Variants in FAM13C observed in about 807,000 individuals in gnomAD.
FAM13C encodes family with sequence similarity 13 member C, also known as protein FAM13C.
Under a neutral mutation model 73.2 loss-of-function variants are expected in FAM13C, and 37 were observed. The ratio of observed to expected loss-of-function variants is 0.51; its 90% CI spans 0.39 to 0.67. FAM13C has a LOEUF of 0.67. Among genes scored for constraint, FAM13C ranks in the 30% least tolerant of loss-of-function variants. FAM13C has a pLI of 0.00. For synonymous variants in FAM13C, 246 were observed against 260.9 expected (o/e 0.94, Z 0.55); for missense variants, 589 against 715.6 (o/e 0.82, Z 2.02).
rs555453601 is a variant in FAM13C, at chr10:59,247,867, C to A, written c.1635-130G>T. ...TGGTTTTTGCATCATGTCTTCTTTT[C>A]CTTCCCTTTCACCTTCATTCACTCC... On this transcript the variant is annotated intron_variant, in intron 13 of 13. Transcript: ENST00000618804. 5.2e-5 allele frequency: 41 copies of A among 787,926 alleles called. No individual in the cohort carries two copies. In the African/African-American group the frequency reaches 7.0e-4, roughly 13 times the overall value. The allele number at this position is 787,926 out of a possible 1,614,324, so 48.8% of individuals were successfully genotyped here.
intron 4 of FAM13C, among the ~76,000 whole-genome samples, chr10:59,321,621 T>C (rs1564580097): frequency 6.6e-6 from 1 of 152,034 alleles, no homozygotes; most frequent in Non-Finnish European, 1.5e-5. Context: ...CTGAGTCTCA[T>C]CCTCATAAAT....
chr10:59,250,466 A>G (rs1168625713), intron 13 of FAM13C, among the ~76,000 whole-genome samples: 1 of 152,224 alleles, frequency 6.6e-6, no homozygotes, highest in African/African-American at 2.4e-5. Context: ...AAGTTGTTAC[A>G]TCTGTATTGG....
In FAM13C at chr10:59,251,611, C is replaced by G; in HGVS notation, c.1598G>C (p.Arg533Thr). 6.2e-7 allele frequency: 1 copy of G among 1,613,822 alleles called. No individual in the cohort carries two copies. The highest frequency in any genetic ancestry group is 8.5e-7 in the Non-Finnish European group (1 of 1,179,854). The change falls in exon 13 of 14, where the codon AGA (arginine) becomes ACA (threonine). Residue 533 changes from arginine to threonine, a missense_variant. By Grantham distance (71) the Arg-to-Thr change is moderately conservative. Coordinates refer to ENST00000618804, the MANE Select transcript of FAM13C (RefSeq NM_198215.4). ...ADKKRLRKALREFEEQFFKQT... is the reference protein window; with the variant it reads ...ADKKRLRKALTEFEEQFFKQT... Reference sequence around the variant, plus strand: ...TTTAAAAAACTGTTCTTCAAATTCTCTTAAGGCTTTCCGCAGTCTCTTCTT... The same window carrying G: ...TTTAAAAAACTGTTCTTCAAATTCTGTTAAGGCTTTCCGCAGTCTCTTCTT...
At chr10:59,290,330 C>T (rs892483815) in intron 5 of FAM13C, among the ~76,000 whole-genome samples, 4 of 152,170 alleles carry the variant, frequency 2.6e-5, no homozygotes, top group Non-Finnish European at 4.4e-5. Context: ...CCTCCTCTCC[C>T]ATCCTTTTAT....
chr10:59,260,115 TC>T (rs2133441484), intron 10 of FAM13C, among the ~76,000 whole-genome samples: 1 of 152,170 alleles, frequency 6.6e-6, no homozygotes, highest in Non-Finnish European at 1.5e-5. Context: ...CTTCAACATG[TC>T]CTTTTGATTC....
chr10:59,296,249 G>A (rs1311300773), intron 5 of FAM13C, among the ~76,000 whole-genome samples: 2 of 152,092 alleles, frequency 1.3e-5, no homozygotes, highest in Non-Finnish European at 2.9e-5. Context: ...ATAAACTGTG[G>A]ATGCAATAAA....
chr10:59,265,378 A>G (rs1176716208), intron 8 of FAM13C, among the ~76,000 whole-genome samples: 2 of 124,028 alleles, frequency 1.6e-5, no homozygotes, highest in African/African-American at 3.0e-5. Flanking sequence ...GTGGCCATCA[A>G]TCCCCAGCTC....
intron 5 of FAM13C, among the ~76,000 whole-genome samples, chr10:59,302,235 TA>T (rs1195263109): frequency 1.3e-5 from 2 of 152,210 alleles, no homozygotes; most frequent in Non-Finnish European, 2.9e-5. Context: ...ATTAATTTCA[TA>T]CAGGAGAATT....
At chr10:59,304,852 A>AGGGGGG (rs1848071972) in intron 4 of FAM13C, among the ~76,000 whole-genome samples, 4 of 34,630 alleles carry the variant, frequency 1.2e-4, no homozygotes, top group Admixed American at 3.5e-4. Context: ...GGGGAGGGGG[A>AGGGGGG]GGGGAAGGGA....
intron 8 of FAM13C, among the ~76,000 whole-genome samples, chr10:59,264,503 G>A (rs1416581172): frequency 6.6e-6 from 1 of 152,070 alleles, no homozygotes; most frequent in African/African-American, 2.4e-5. Context: ...CACCTTGCAG[G>A]TCACCCACAG....
chr10:59,249,577 G>A (rs1187602447), intron 13 of FAM13C, among the ~76,000 whole-genome samples: 8 of 152,226 alleles, frequency 5.3e-5, no homozygotes, highest in East Asian at 1.9e-4. Context: ...CATGCCTCTT[G>A]TATGGCAAAT....
rs530652407 is a variant in FAM13C, at chr10:59,325,053, C to T, written c.325-947G>A. On this transcript the variant is annotated intron_variant, in intron 3 of 13. Coordinates refer to ENST00000618804, the MANE Select transcript of FAM13C (RefSeq NM_198215.4). ...AAACTTTCTTTAGAATAAAATAGCC[C>T]TTCTTTAACCTAATAAATGAGATAC... is the stretch of plus-strand genomic sequence containing the variant. Among the ~76,000 whole-genome samples, 45 of 152,272 alleles carry T rather than the reference C, an allele frequency of 3.0e-4. No homozygotes were observed. The East Asian group carries it at 8.5e-3, about 29-fold the overall frequency.
chr10:59,355,917 T>A lies in FAM13C; in HGVS notation c.89A>T (p.His30Leu). 6.2e-7 allele frequency: 1 copy of A among 1,614,040 alleles called. No homozygotes were observed. Among genetic ancestry groups the A allele is most frequent in the Non-Finnish European group, 8.5e-7 (1 of 1,179,924 alleles). ...ACTGGAGCAATCAGTCTGGTCTTCATGTAGAGAGACTGGATCTTCGTCACA... is the reference window on the plus strand; with the variant it reads ...ACTGGAGCAATCAGTCTGGTCTTCAAGTAGAGAGACTGGATCTTCGTCACA... ...TECDEDPVSL[H>L]EDQTDCSSLR... Residue 30 changes from histidine to leucine, a missense_variant, in exon 2 of 14, where the codon CAT (histidine) becomes CTT (leucine). By Grantham distance (99) the His-to-Leu change is moderately conservative (BLOSUM62 -3). Transcript: ENST00000618804.
intron 11 of FAM13C, chr10:59,253,713 ATACT>A (rs1234868324): frequency 6.6e-6 from 1 of 152,250 alleles, no homozygotes; most frequent in African/African-American, 2.4e-5. Context: ...GTACCCAAGC[ATACT>A]TAAATTTATA....
intron 6 of FAM13C, 72 bp downstream of exon 6, chr10:59,283,291 G>A (rs12257689): frequency 0.038 from 56,705 of 1,504,418 alleles, 4,164 homozygotes; most frequent in African/African-American, 0.3. Context: ...GGCTCAGGCT[G>A]AGTGTGAACC....
intron 3 of FAM13C, among the ~76,000 whole-genome samples, chr10:59,342,671 C>G (rs1468426977): frequency 6.6e-6 from 1 of 152,190 alleles, no homozygotes; most frequent in Non-Finnish European, 1.5e-5. Context: ...TATCTGGCAA[C>G]TACATCTCTT....
intron 10 of FAM13C, among the ~76,000 whole-genome samples, chr10:59,258,075 AAG>A (rs1374792036): frequency 6.6e-6 from 1 of 152,216 alleles, no homozygotes; most frequent in Non-Finnish European, 1.5e-5. Context: ...TTAAAAATAA[AAG>A]AGAATGATAA....
At chr10:59,298,730 G>A (rs1847210881) in intron 5 of FAM13C, among the ~76,000 whole-genome samples, 1 of 152,230 alleles carries the variant, frequency 6.6e-6, no homozygotes, top group Non-Finnish European at 1.5e-5. Flanking sequence ...GCTTCAGATG[G>A]TGGGTTGGCC....
At position 59,247,708 on chromosome 10, in the gene FAM13C, A is replaced by G. The variant is rs1161518891; in HGVS notation, c.1664T>C (p.Met555Thr). 6.2e-7 allele frequency: 1 copy of G among 1,613,040 alleles called. No individual in the cohort carries two copies. The highest frequency in any genetic ancestry group is 8.5e-7 in the Non-Finnish European group (1 of 1,179,450). The change falls in exon 14 of 14, where the codon ATG becomes ACG. Residue 555 changes from methionine (M) to threonine (T), a missense_variant. Coordinates refer to ENST00000618804, the MANE Select transcript of FAM13C (RefSeq NM_198215.4). Reference protein sequence around the residue: ...RSPQKEDRIPMADEYYEYKHI... With the variant: ...RSPQKEDRIPTADEYYEYKHI... ...CTTATATTCATAATACTCATCTGCC[A>G]TTGGTATCCTATCTTCCTTTTGTGG... is the stretch of plus-strand genomic sequence containing the variant.
Sources: allele counts gnomAD v4.1 joint callset (sites outside exome capture counted in the v4.1 genomes callset), GRCh38; gene constraint gnomAD v4.1.1; transcripts MANE v1.5; gene names NCBI Gene and HGNC (gene_info 2026-07-23, HGNC 2026-07-21).